The following SUSD5 variants were observed in gnomAD, a reference collection of about 807,000 sequenced individuals.
SUSD5 encodes the protein sushi domain-containing protein 5.
A neutral mutation model predicts 29.5 loss-of-function variants in SUSD5; 33 were observed. That is an observed-to-expected ratio of 1.12 (90% CI 0.85 to 1.49). The LOEUF (loss-of-function observed/expected upper bound fraction) is 1.49, where lower values mean the gene tolerates loss of function less well. Among genes scored for constraint, SUSD5 ranks in the 40% most tolerant of loss-of-function variants. SUSD5 has a pLI of 0.00. For synonymous variants in SUSD5, 308 were observed against 325.3 expected (o/e 0.95, Z 0.57); for missense variants, 776 against 800.6 (o/e 0.97, Z 0.37).
intron 2 of SUSD5, among the ~76,000 whole-genome samples, chr3:33,209,234 T>C (rs1241273002): frequency 6.6e-6 from 1 of 152,198 alleles, no homozygotes; most frequent in African/African-American, 2.4e-5. Context: ...ATATGATTCT[T>C]ACCAGTCTTA....
intron 3 of SUSD5, among the ~76,000 whole-genome samples, chr3:33,177,548 G>A (rs563648894): frequency 4.5e-4 from 68 of 151,992 alleles, no homozygotes; most frequent in South Asian, 1.0e-3. Flanking sequence ...TCACTCTGTC[G>A]CCCAGGCTGG....
At chr3:33,163,769 G>A (rs539851373) in intron 4 of SUSD5, among the ~76,000 whole-genome samples, 16 of 152,132 alleles carry the variant, frequency 1.1e-4, no homozygotes, top group South Asian at 4.1e-4. Flanking sequence ...AGGCTGAGGC[G>A]GGCGGATCAC....
chr3:33,168,492 G>T (rs2031353555), intron 4 of SUSD5: 2 of 982,770 alleles, frequency 2.0e-6, no homozygotes, highest in Admixed American at 6.2e-5. Context: ...AATACCTGTA[G>T]AAATGAGAAA....
intron 3 of SUSD5, among the ~76,000 whole-genome samples, chr3:33,197,556 C>T (rs1165200484): frequency 3.3e-5 from 5 of 152,008 alleles, no homozygotes; most frequent in Non-Finnish European, 4.4e-5. Flanking sequence ...CCACCACCAC[C>T]ACCACAACAA....
At chr3:33,178,459 T>G (rs2031599570) in intron 3 of SUSD5, among the ~76,000 whole-genome samples, 1 of 152,002 alleles carries the variant, frequency 6.6e-6, no homozygotes, top group African/African-American at 2.4e-5. Flanking sequence ...GTTGTTTTGT[T>G]TTTTTTTGAG....
rs570310717 is a variant in SUSD5 at position 33,191,205 on chromosome 3, C to T, written c.410-16131G>A. On this transcript the variant is annotated intron_variant, in intron 3 of 4. Coordinates refer to ENST00000309558, the MANE Select transcript of SUSD5 (RefSeq NM_015551.2). ...AGTGCAGTGGCATGATCTCGGCTCA[C>T]TACAAGCTCCACCTCCTGGGTTTAA... Among the ~76,000 whole-genome samples, 9 of 151,944 alleles carry T rather than the reference C, an allele frequency of 5.9e-5. No homozygotes were observed. The East Asian group carries it at 1.7e-3, about 29-fold the overall frequency.
At chr3:33,157,416 A>G (rs999264666) in intron 4 of SUSD5, among the ~76,000 whole-genome samples, 3 of 152,224 alleles carry the variant, frequency 2.0e-5, no homozygotes, top group Admixed American at 2.0e-4. Flanking sequence ...TTTCACTACA[A>G]TTTACCCAAA....
At position 33,176,718 on chromosome 3, in the gene SUSD5, A is replaced by T. The variant is rs117970456; in HGVS notation, c.410-1644T>A. ...TCCTATGATAACTTCTAGCAGTCTT[A>T]CAGTTTTGGGTTTTACATTTAGGTC... On this transcript the variant is annotated intron_variant, in intron 3 of 4. Coordinates refer to ENST00000309558, the MANE Select transcript of SUSD5 (RefSeq NM_015551.2). Among the ~76,000 whole-genome samples, 168 of 152,318 alleles carry T rather than the reference A, an allele frequency of 1.1e-3. 2 individuals carry two copies. In the East Asian group the frequency reaches 0.023, roughly 21 times the overall value.
At position 33,167,708 on chromosome 3, in the gene SUSD5, T is replaced by C. The variant is rs867235649; in HGVS notation, c.598+7178A>G. ...TATGAAGAAGTATCCAAAGCTTATTTTTCTCCCCATGGGGAACAGTAACAT... is the reference window on the plus strand; with the variant it reads ...TATGAAGAAGTATCCAAAGCTTATTCTTCTCCCCATGGGGAACAGTAACAT... On this transcript the variant is annotated intron_variant, in intron 4 of 4. Coordinates refer to ENST00000309558, the MANE Select transcript of SUSD5 (RefSeq NM_015551.2). The surrounding 1 kb of genome is among the most constrained non-coding windows in gnomAD (Gnocchi z 4.1). Among the ~76,000 whole-genome samples, 5 of 152,162 alleles carry C rather than the reference T, an allele frequency of 3.3e-5. No individual in the cohort carries two copies. Among genetic ancestry groups the C allele is most frequent in the African/African-American group, 1.2e-4 (5 of 41,428 alleles).
rs2030985296 is a variant in SUSD5, at chr3:33,153,909, A to G, written c.723T>C (p.Ser241=). Residue 241 remains serine (S), a synonymous_variant, in exon 5 of 5, where the codon TCT becomes TCC. Transcript: ENST00000309558. ...GACGGTCCTGTTTTGGAGCCTCCTC[A>G]GAGGAGTCTCCCTGACCCCTGTCCT... ...ADEDRGQGDS[S]EEAPKQDRLV... 3.1e-6 allele frequency: 5 copies of G among 1,614,012 alleles called. No individual in the cohort carries two copies. Among genetic ancestry groups the G allele is most frequent in the Non-Finnish European group, 3.4e-6 (4 of 1,179,882 alleles).
chr3:33,190,187 A>G (rs1022034740), intron 3 of SUSD5: 1 of 154,314 alleles, frequency 6.5e-6, no homozygotes, highest in African/African-American at 2.4e-5. Context: ...TAAAAAAGTC[A>G]TAAGACATTT....
intron 3 of SUSD5, among the ~76,000 whole-genome samples, chr3:33,180,729 A>G (rs1313112703): frequency 6.6e-6 from 1 of 151,902 alleles, no homozygotes. Context: ...AATCTCAGTT[A>G]CTCGGGAGGC....
chr3:33,192,819 AATAT>A (rs10662721), intron 3 of SUSD5, among the ~76,000 whole-genome samples: 1 of 151,108 alleles, frequency 6.6e-6, no homozygotes, highest in Non-Finnish European at 1.5e-5. Context: ...TCTGTCAAAA[AATAT>A]ATATATATAA....
intron 4 of SUSD5, among the ~76,000 whole-genome samples, chr3:33,156,341 C>A (rs1223303003): frequency 6.6e-6 from 1 of 152,002 alleles, no homozygotes; most frequent in African/African-American, 2.4e-5. Context: ...GCCCGGCCCC[C>A]AAATGCATCT....
chr3:33,199,445 T>C (rs2032064800), intron 3 of SUSD5, among the ~76,000 whole-genome samples: 1 of 152,124 alleles, frequency 6.6e-6, no homozygotes, highest in Admixed American at 6.5e-5. Context: ...GGCTAACTTT[T>C]TGTATTTTTA....
chr3:33,202,898 C>T (rs1043715589), intron 3 of SUSD5, among the ~76,000 whole-genome samples: 1 of 152,180 alleles, frequency 6.6e-6, no homozygotes, highest in Non-Finnish European at 1.5e-5. Flanking sequence ...TGTTTTCCTT[C>T]TGGGCTCTTT....
At chr3:33,209,361 T>C (rs1018952635) in intron 2 of SUSD5, among the ~76,000 whole-genome samples, 5 of 152,160 alleles carry the variant, frequency 3.3e-5, no homozygotes, top group African/African-American at 7.2e-5. Flanking sequence ...ATATTACTTT[T>C]ATTCTATTTT....
Position 33,151,313 on chromosome 3 carries a change from C to CTT in SUSD5, c.*1427_*1428dup, listed in dbSNP as rs1433795182. The CTT allele has an allele frequency of 6.6e-6, 1 of 152,224 alleles. No homozygotes were observed. The highest frequency in any genetic ancestry group is 2.4e-5 in the African/African-American group (1 of 41,432). 9.4% of individuals were successfully genotyped at this position (152,224 alleles called of 1,614,324 possible). A position where few individuals can be genotyped will look rare whatever the true frequency, so the allele number is the denominator to read the frequency against. ...TGATGCTACTGGTCTGAGGACCACA[C>CTT]TTTGAGAACCACTGCCATAAACCAT... On this transcript the variant is annotated 3_prime_UTR_variant, in exon 5 of 5. Transcript: ENST00000309558.
chr3:33,175,674 CCTG>C (rs2031537373), intron 3 of SUSD5, among the ~76,000 whole-genome samples: 1 of 151,398 alleles, frequency 6.6e-6, no homozygotes, highest in Non-Finnish European at 1.5e-5. Flanking sequence ...TATTGAGTAC[CCTG>C]CTTTTAAAAA....
Sources: gnomAD v4.1 joint callset for allele counts (sites outside exome capture counted in the v4.1 genomes callset) on GRCh38, gnomAD v4.1.1 for gene constraint, Gnocchi (gnomAD v3.1) non-coding constraint, MANE v1.5 for transcripts, NCBI Gene and HGNC (gene_info 2026-07-23, HGNC 2026-07-21) for gene names.